CLMP: variants seen among roughly 807,000 people sequenced by gnomAD.
CLMP encodes the protein CXADR like cell adhesion molecule.
In CLMP, 27 loss-of-function variants were observed where a neutral mutation model predicts 45.2. That is an observed-to-expected ratio of 0.60 (90% CI 0.44 to 0.82). The LOEUF is 0.82. Ranked by LOEUF, CLMP falls within the 40% of genes least tolerant of loss-of-function variation. The pLI, the probability that CLMP is intolerant of heterozygous loss-of-function variation, is 0.00. For missense variants in CLMP, 403 were observed against 448.4 expected, an observed-to-expected ratio of 0.90 and a Z score of 0.91; for synonymous variants, 167 against 171.4, an observed-to-expected ratio of 0.97 and a Z score of 0.20.
chr11:123,119,945 C>T (rs1860790173), intron 1 of CLMP, among the ~76,000 whole-genome samples: 1 of 152,138 alleles, frequency 6.6e-6, no homozygotes, highest in African/African-American at 2.4e-5. Flanking sequence ...CTCTGGCCTC[C>T]CAAACTGCTG....
intron 1 of CLMP, among the ~76,000 whole-genome samples, chr11:123,183,842 G>A (rs572404913): frequency 6.6e-6 from 1 of 152,276 alleles, no homozygotes; most frequent in East Asian, 1.9e-4. Context: ...GCTGAGTGCG[G>A]TGGGGTGTGG....
intron 1 of CLMP, chr11:123,188,929 C>G (rs1039830293): frequency 2.6e-5 from 4 of 152,156 alleles, no homozygotes; most frequent in Admixed American, 2.0e-4. Flanking sequence ...GAAAAAGCAA[C>G]ATATGAGGTG....
chr11:123,084,631 A>G lies in CLMP; in HGVS notation c.269T>C (p.Leu90Pro). Residue 90 changes from leucine (L) to proline (P), a missense_variant, in exon 3 of 7, where the codon CTG (leucine) becomes CCG (proline). By Grantham distance (98) the Leu-to-Pro change is moderately conservative (BLOSUM62 -3). Coordinates refer to ENST00000448775, the MANE Select transcript of CLMP (RefSeq NM_024769.5). ...KGRVAFASNF[L>P]AGDASLQIEP... is the part of the protein sequence containing the mutation. ...AATCTGCAAGGAGGCATCTCCTGCC[A>G]GGAAATTGGAAGCAAAGGCCACTCG... The G allele has an allele frequency of 6.2e-7, 1 of 1,614,216 alleles. No individual in the cohort carries two copies. Among genetic ancestry groups the G allele is most frequent in the Non-Finnish European group, 8.5e-7 (1 of 1,180,024 alleles).
At chr11:123,111,973 A>T (rs1860645364) in intron 1 of CLMP, among the ~76,000 whole-genome samples, 4 of 152,182 alleles carry the variant, frequency 2.6e-5, no homozygotes, top group Admixed American at 2.6e-4. Context: ...GTTGGTCTTG[A>T]ACTCTGGGTC....
chr11:123,185,059 T>TG (rs1861816320), intron 1 of CLMP, among the ~76,000 whole-genome samples: 2 of 151,946 alleles, frequency 1.3e-5, no homozygotes, highest in African/African-American at 4.8e-5. Context: ...AGGCGGCGGA[T>TG]GGGAGGGAGC....
chr11:123,126,260 A>G (rs767231809), intron 1 of CLMP, among the ~76,000 whole-genome samples: 5 of 152,072 alleles, frequency 3.3e-5, no homozygotes, highest in African/African-American at 4.8e-5. Context: ...ATTCTTTTCA[A>G]TTCTTCTTTG....
chr11:123,165,972 G>A (rs1861550395), intron 1 of CLMP, among the ~76,000 whole-genome samples: 1 of 152,172 alleles, frequency 6.6e-6, no homozygotes, highest in African/African-American at 2.4e-5. Context: ...GCTACTTCCA[G>A]TATGCTTAAA....
intron 1 of CLMP, among the ~76,000 whole-genome samples, chr11:123,126,666 G>T (rs940654865): frequency 6.6e-6 from 1 of 152,132 alleles, no homozygotes; most frequent in Non-Finnish European, 1.5e-5. Flanking sequence ...GGGAGGCCGA[G>T]GTGGGTGGAT....
At chr11:123,087,368 G>A (rs182722906) in intron 2 of CLMP, among the ~76,000 whole-genome samples, 264 of 151,810 alleles carry the variant, frequency 1.7e-3, no homozygotes, top group African/African-American at 6.2e-3. Context: ...AAAAAACTAG[G>A]TGTGGTGGTG....
At chr11:123,174,782 C>G (rs778869311) in intron 1 of CLMP, among the ~76,000 whole-genome samples, 1 of 152,142 alleles carries the variant, frequency 6.6e-6, no homozygotes, top group South Asian at 2.1e-4. Context: ...AAATGGTTAT[C>G]TAAGGGTTAT....
intron 5 of CLMP, among the ~76,000 whole-genome samples, chr11:123,082,176 A>G (rs1441681890): frequency 1.3e-5 from 2 of 152,262 alleles, no homozygotes; most frequent in East Asian, 1.9e-4. Flanking sequence ...TGGTAGTGGC[A>G]TATAACTAAC....
intron 1 of CLMP, among the ~76,000 whole-genome samples, chr11:123,111,379 C>T (rs546883073): frequency 6.6e-6 from 1 of 152,284 alleles, no homozygotes; most frequent in East Asian, 1.9e-4. Context: ...GATCGGCCCA[C>T]CGCAGCCTCC....
intron 2 of CLMP, among the ~76,000 whole-genome samples, chr11:123,089,487 C>A (rs1865901296): frequency 6.6e-6 from 1 of 151,134 alleles, no homozygotes; most frequent in Admixed American, 6.6e-5. Flanking sequence ...ACAAAATGAC[C>A]AGGTGCAGTG....
intron 1 of CLMP, among the ~76,000 whole-genome samples, chr11:123,113,135 T>C (rs1006370407): frequency 2.6e-5 from 4 of 152,370 alleles, no homozygotes; most frequent in South Asian, 2.1e-4. Flanking sequence ...CTACAACATT[T>C]TCTTAAACAC....
intron 4 of CLMP, 127 bp from the exon 5 acceptor site, chr11:123,083,334 A>G: frequency 1.5e-5 from 15 of 996,886 alleles, no homozygotes; most frequent in Non-Finnish European, 1.6e-5. Context: ...GATGGAAAAG[A>G]TATCCTTTGG....
rs539793730 is a variant in CLMP, at chr11:123,160,811, C to G, written c.28+34102G>C. On this transcript the variant is annotated intron_variant, in intron 1 of 6. Coordinates refer to ENST00000448775, the MANE Select transcript of CLMP (RefSeq NM_024769.5). ...TGGCTAACCTGGCAAAACCCCATCT[C>G]TACTAAAAATACAAAAATTAGCCAG... Among the ~76,000 whole-genome samples, 3 of 152,060 alleles carry G rather than the reference C, an allele frequency of 2.0e-5. No individual in the cohort carries two copies. In the East Asian group the frequency reaches 5.8e-4, roughly 29 times the overall value.
chr11:123,177,966 G>A (rs780853996), intron 1 of CLMP, among the ~76,000 whole-genome samples: 8 of 152,108 alleles, frequency 5.3e-5, no homozygotes, highest in Admixed American at 1.3e-4. Context: ...GGGTTCAAGC[G>A]ATACTTCTAC....
chr11:123,182,819 A>T (rs1226046480), intron 1 of CLMP, among the ~76,000 whole-genome samples: 2 of 152,104 alleles, frequency 1.3e-5, no homozygotes, highest in Admixed American at 1.3e-4. Context: ...GAAATAACTC[A>T]ATGCCCACAC....
intron 5 of CLMP, among the ~76,000 whole-genome samples, chr11:123,075,677 G>C (rs1323403705): frequency 6.6e-6 from 1 of 151,978 alleles, no homozygotes; most frequent in Non-Finnish European, 1.5e-5. Flanking sequence ...GTGAGCCACC[G>C]CGCGCAACCA....
Sources: allele counts gnomAD v4.1 joint callset (sites outside exome capture counted in the v4.1 genomes callset), GRCh38; gene constraint gnomAD v4.1.1; transcripts MANE v1.5; gene names NCBI Gene and HGNC (gene_info 2026-07-23, HGNC 2026-07-21).